RPS6KC1: variants seen among roughly 807,000 people sequenced by gnomAD.
The protein encoded by RPS6KC1 is inactive ribosomal protein S6 kinase delta-1.
In RPS6KC1, 54 loss-of-function variants were observed where a neutral mutation model predicts 103.8. The ratio of observed to expected loss-of-function variants is 0.52; its 90% CI spans 0.42 to 0.65. The LOEUF (loss-of-function observed/expected upper bound fraction) is 0.65, where lower values mean the gene tolerates loss of function less well. Among genes scored for constraint, RPS6KC1 ranks in the 30% least tolerant of loss-of-function variants. RPS6KC1 has a pLI of 0.00. For missense variants in RPS6KC1, 1,151 were observed against 1,253.8 expected, an observed-to-expected ratio of 0.92 and a Z score of 1.24; for synonymous variants, 439 against 438.7, an observed-to-expected ratio of 1.00 and a Z score of -0.01.
chr1:213,194,062 T>C (rs1304854313), intron 8 of RPS6KC1, among the ~76,000 whole-genome samples: 1 of 152,242 alleles, frequency 6.6e-6, no homozygotes, highest in African/African-American at 2.4e-5. Flanking sequence ...CCTTTATCAT[T>C]ATATAATTAC....
chr1:213,338,441 C>T, the RPS6KC1 span, among the ~76,000 whole-genome samples: 1 of 152,218 alleles, frequency 6.6e-6, no homozygotes, highest in African/African-American at 2.4e-5. Flanking sequence ...GGATTTGCCT[C>T]TTCAACTGAG....
chr1:213,436,538 A>AG, the RPS6KC1 span, among the ~76,000 whole-genome samples: 1 of 152,216 alleles, frequency 6.6e-6, no homozygotes, highest in Admixed American at 6.5e-5. Context: ...CAATTCCCAG[A>AG]GGGAAAAAAC....
the RPS6KC1 span, among the ~76,000 whole-genome samples, chr1:213,850,603 C>T: frequency 6.6e-6 from 1 of 152,192 alleles, no homozygotes; most frequent in African/African-American, 2.4e-5. Context: ...AAGTTACTGT[C>T]TCCAAACCTA....
the RPS6KC1 span, among the ~76,000 whole-genome samples, chr1:213,639,203 A>G: frequency 6.6e-6 from 1 of 152,088 alleles, no homozygotes; most frequent in Non-Finnish European, 1.5e-5. Flanking sequence ...GTATCCTATA[A>G]CCTTGCTGAA....
chr1:213,265,366 G>A (rs2094889530), intron 14 of RPS6KC1, among the ~76,000 whole-genome samples: 1 of 152,142 alleles, frequency 6.6e-6, no homozygotes, highest in Non-Finnish European at 1.5e-5. Context: ...TGAACCTTTA[G>A]AATTTCACAT....
intron 3 of RPS6KC1, among the ~76,000 whole-genome samples, chr1:213,090,602 CT>C (rs895225823): frequency 6.6e-6 from 1 of 152,072 alleles, no homozygotes; most frequent in African/African-American, 2.4e-5. Flanking sequence ...TGAAATAAAC[CT>C]TTTCTATTCT....
Position 213,241,403 on chromosome 1 carries a change from A to G in RPS6KC1, c.1927A>G (p.Arg643Gly), listed in dbSNP as rs2094349105. The G allele has an allele frequency of 3.1e-6, 5 of 1,613,948 alleles. No homozygotes were observed. Among genetic ancestry groups the G allele is most frequent in the East Asian group, 4.5e-5 (2 of 44,882 alleles). Reference sequence around the variant, plus strand: ...TCTTCCAGATGGAGACAGTGCTTCTAGGAGTTTTAATACTAGTGAAAGCAA... The same window carrying G: ...TCTTCCAGATGGAGACAGTGCTTCTGGGAGTTTTAATACTAGTGAAAGCAA... The part of the protein sequence containing the change: ...FTLPDGDSAS[R>G]SFNTSESKVE... Residue 643 changes from arginine to glycine, a missense_variant, in exon 11 of 15, where the codon AGG becomes GGG. By Grantham distance (125) the Arg-to-Gly change is moderately radical. Coordinates refer to ENST00000366960, the MANE Select transcript of RPS6KC1 (RefSeq NM_012424.6).
the RPS6KC1 span, among the ~76,000 whole-genome samples, chr1:213,696,823 A>G: frequency 6.6e-6 from 1 of 152,148 alleles, no homozygotes; most frequent in Non-Finnish European, 1.5e-5. Flanking sequence ...TCCATCAAGC[A>G]GGCATTTCTC....
chr1:213,071,983 G>A (rs1199902359), intron 2 of RPS6KC1, among the ~76,000 whole-genome samples: 2 of 151,976 alleles, frequency 1.3e-5, no homozygotes, highest in African/African-American at 4.8e-5. Flanking sequence ...TCCTTACTGA[G>A]GAGCTTGCTG....
chr1:213,256,741 G>A (rs2094654000), intron 12 of RPS6KC1, among the ~76,000 whole-genome samples: 1 of 152,124 alleles, frequency 6.6e-6, no homozygotes, highest in Admixed American at 6.5e-5. Flanking sequence ...CAGTACATTG[G>A]TCATTATTTA....
the RPS6KC1 span, among the ~76,000 whole-genome samples, chr1:213,732,476 G>C: frequency 6.6e-6 from 1 of 152,148 alleles, no homozygotes; most frequent in Admixed American, 6.5e-5. Context: ...ACTCCTTCAA[G>C]GCAGGCAATA....
the RPS6KC1 span, among the ~76,000 whole-genome samples, chr1:213,649,857 C>T: frequency 1.0e-3 from 152 of 152,264 alleles, no homozygotes; most frequent in Non-Finnish European, 1.7e-3. Flanking sequence ...TTCATGGTGG[C>T]GGTGAGGATG....
the RPS6KC1 span, among the ~76,000 whole-genome samples, chr1:213,346,150 G>T: frequency 6.6e-6 from 1 of 151,958 alleles, no homozygotes; most frequent in Non-Finnish European, 1.5e-5. Flanking sequence ...CTCAATTTTT[G>T]CCTTGCATTT....
At chr1:213,286,626 A>C in the RPS6KC1 span, among the ~76,000 whole-genome samples, 1 of 152,268 alleles carries the variant, frequency 6.6e-6, no homozygotes, top group South Asian at 2.1e-4. Flanking sequence ...GAACTATACC[A>C]CTGAGTATCC....
At chr1:213,421,986 C>A in the RPS6KC1 span, among the ~76,000 whole-genome samples, 3 of 152,200 alleles carry the variant, frequency 2.0e-5, no homozygotes, top group African/African-American at 7.2e-5. Flanking sequence ...AGGACTGTGA[C>A]TAAACTTACT....
chr1:213,496,754 T>A, the RPS6KC1 span, among the ~76,000 whole-genome samples: 1 of 151,924 alleles, frequency 6.6e-6, no homozygotes, highest in Non-Finnish European at 1.5e-5. Context: ...TGAGACTCAG[T>A]CTCGGGGGAA....
intron 12 of RPS6KC1, among the ~76,000 whole-genome samples, chr1:213,260,343 A>G (rs911327409): frequency 6.6e-6 from 1 of 152,148 alleles, no homozygotes; most frequent in Non-Finnish European, 1.5e-5. Flanking sequence ...AGAGTTCCAT[A>G]TAGGCTGTTT....
the RPS6KC1 span, among the ~76,000 whole-genome samples, chr1:213,355,334 C>G: frequency 6.6e-6 from 1 of 152,108 alleles, no homozygotes; most frequent in African/African-American, 2.4e-5. Context: ...GTGTCATTTT[C>G]AGACCAGCTG....
At chr1:213,640,627 T>C in the RPS6KC1 span, among the ~76,000 whole-genome samples, 2 of 151,876 alleles carry the variant, frequency 1.3e-5, no homozygotes, top group Non-Finnish European at 2.9e-5. Context: ...GCAGTCCCAT[T>C]GAGACTTCCT....
Sources: gnomAD v4.1 joint callset for allele counts (sites outside exome capture counted in the v4.1 genomes callset) on GRCh38, gnomAD v4.1.1 for gene constraint, MANE v1.5 for transcripts, NCBI Gene and HGNC (gene_info 2026-07-23, HGNC 2026-07-21) for gene names.